The following ARHGAP22 variants were observed in gnomAD, a reference collection of about 807,000 sequenced individuals.
ARHGAP22 encodes rho GTPase-activating protein 22.
ARHGAP22 carries 48 observed loss-of-function variants against 59.1 expected under a neutral mutation model. That is an observed-to-expected ratio of 0.81 (90% CI 0.64 to 1.03). The LOEUF (loss-of-function observed/expected upper bound fraction) is 1.03. ARHGAP22 is among the 50% of genes least tolerant of loss of function. The pLI, the probability that ARHGAP22 is intolerant of heterozygous loss-of-function variation, is 0.00. For missense variants in ARHGAP22, 1,015 were observed against 958.7 expected, an observed-to-expected ratio of 1.06 and a Z score of -0.78; for synonymous variants, 445 against 416.4, an observed-to-expected ratio of 1.07 and a Z score of -0.84.
chr10:48,455,996 C>A (rs1015572171), intron 5 of ARHGAP22, among the ~76,000 whole-genome samples: 8 of 152,196 alleles, frequency 5.3e-5, no homozygotes, highest in African/African-American at 1.9e-4. Context: ...CAGAAGTAGA[C>A]CAGTTGTGGA....
At chr10:48,484,364 C>T (rs2049644735) in intron 3 of ARHGAP22, among the ~76,000 whole-genome samples, 1 of 152,196 alleles carries the variant, frequency 6.6e-6, no homozygotes, top group Admixed American at 6.5e-5. Context: ...TAATGATGTA[C>T]TATCCCTTTT....
chr10:48,643,752 TAAA>T (rs35924464), intron 1 of ARHGAP22, among the ~76,000 whole-genome samples: 10 of 141,230 alleles, frequency 7.1e-5, no homozygotes, highest in African/African-American at 2.1e-4. Context: ...AAAGTATAAT[TAAA>T]AAAAAAAAAA....
chr10:48,498,520 A>T (rs1359947763), intron 3 of ARHGAP22, among the ~76,000 whole-genome samples: 1 of 152,178 alleles, frequency 6.6e-6, no homozygotes, highest in Non-Finnish European at 1.5e-5. Context: ...AGCCCTCTGC[A>T]TCCCCAAGCA....
chr10:48,430,095 T>A, the ARHGAP22 span: 1 of 152,204 alleles, frequency 6.6e-6, no homozygotes, highest in Non-Finnish European at 1.5e-5. Context: ...TTTGTTTGTT[T>A]TTGTTTTTTT....
Position 48,583,145 on chromosome 10 carries a change from G to A in ARHGAP22, c.42C>T (p.Ser14=), listed in dbSNP as rs1023053815. ...TCTGCTCCCCCATCACTAGGCTTTT[G>A]GAGCGGGCTGAAAGCCAAGGACACA... ...PKIRQARRAR[S]KSLVMGEQSR... Residue 14 remains serine, a synonymous_variant, in exon 2 of 10, where the codon TCC becomes TCT. Transcript: ENST00000249601. 6.2e-7 allele frequency: 1 copy of A among 1,613,716 alleles called. No homozygotes were observed. The highest frequency in any genetic ancestry group is 8.5e-7 in the Non-Finnish European group (1 of 1,179,900).
upstream of ARHGAP22, among the ~76,000 whole-genome samples, chr10:48,654,837 C>T (rs2062709589): frequency 1.4e-5 from 2 of 139,336 alleles, no homozygotes; most frequent in African/African-American, 5.4e-5. Flanking sequence ...TTCCTTCCTT[C>T]CTTCCTCTCT....
chr10:48,491,293 C>A (rs1222360271), intron 3 of ARHGAP22, among the ~76,000 whole-genome samples: 1 of 152,220 alleles, frequency 6.6e-6, no homozygotes, highest in Non-Finnish European at 1.5e-5. Flanking sequence ...TTTGGACCTG[C>A]TGTTCCCTTG....
chr10:48,531,955 A>G (rs946972896), intron 3 of ARHGAP22, among the ~76,000 whole-genome samples: 3 of 152,216 alleles, frequency 2.0e-5, no homozygotes, highest in African/African-American at 7.2e-5. Flanking sequence ...CTAGCTTTTC[A>G]GAATAATGTC....
intron 3 of ARHGAP22, among the ~76,000 whole-genome samples, chr10:48,533,844 T>G (rs2055095648): frequency 6.6e-6 from 1 of 152,212 alleles, no homozygotes; most frequent in African/African-American, 2.4e-5. Flanking sequence ...TCCTCTTAAG[T>G]CGGGAAGTAC....
intron 1 of ARHGAP22, among the ~76,000 whole-genome samples, chr10:48,647,985 G>T (rs1318466718): frequency 6.6e-6 from 1 of 152,162 alleles, no homozygotes; most frequent in Non-Finnish European, 1.5e-5. Context: ...TCCAGAAAAG[G>T]CACATTTATG....
Position 48,455,783 on chromosome 10 carries a change from G to A in ARHGAP22, c.660-649C>T, listed in dbSNP as rs117101649. ...GAGTGGGAGGAGCTGCATCAAAGGC[G>A]CCCACAATGCAGGGCTGCTGGCTCC... On this transcript the variant is annotated intron_variant, in intron 5 of 9. Transcript: ENST00000249601. Among the ~76,000 whole-genome samples, 228 of 152,326 alleles carry A rather than the reference G, an allele frequency of 1.5e-3. 2 individuals are homozygous for A. In the East Asian group the frequency reaches 0.021, roughly 14 times the overall value.
chr10:48,460,960 G>A (rs2047079153), intron 4 of ARHGAP22, among the ~76,000 whole-genome samples: 1 of 152,308 alleles, frequency 6.6e-6, no homozygotes, highest in African/African-American at 2.4e-5. Context: ...GTAGAATGGT[G>A]GCTGCAAGGA....
chr10:48,450,978 C>A lies in ARHGAP22; in HGVS notation c.1151G>T (p.Gly384Val). The change falls in exon 9 of 10, where the codon GGC becomes GTC. Residue 384 changes from glycine (G) to valine (V), a missense_variant. Physicochemically the swap from Gly to Val is moderately radical, Grantham distance 109. Coordinates refer to ENST00000249601, the MANE Select transcript of ARHGAP22 (RefSeq NM_021226.4). ...EVTRDSQGEPGGPGLPAHRTS... is the reference protein window; with the variant it reads ...EVTRDSQGEPVGPGLPAHRTS... ...CCTGTGCGCGGGCAGGCCGGGGCCG[C>A]CGGGCTCTCCTTGGCTGTCCCTGGT... 6.4e-7 allele frequency: 1 copy of A among 1,564,108 alleles called. No individual in the cohort carries two copies. The highest frequency in any genetic ancestry group is 8.7e-7 in the Non-Finnish European group (1 of 1,155,018).
At chr10:48,531,744 C>T (rs2054871620) in intron 3 of ARHGAP22, among the ~76,000 whole-genome samples, 1 of 152,194 alleles carries the variant, frequency 6.6e-6, no homozygotes, top group South Asian at 2.1e-4. Context: ...TGGTTAAGCT[C>T]AGATTGGAAC....
rs565500213 is a variant in ARHGAP22 at position 48,647,866 on chromosome 10, C to T, written c.52+4368G>A. On this transcript the variant is annotated intron_variant, in intron 1 of 9. Transcript: ENST00000435790. The stretch of plus-strand genomic sequence containing the variant: ...TATTACTCAGCTACAAAGGAGCACA[C>T]TGATCACTGATTCACACGAGAACAT... Among the ~76,000 whole-genome samples, 3 of 152,326 alleles carry T rather than the reference C, an allele frequency of 2.0e-5. No individual in the cohort carries two copies. In the South Asian group the frequency reaches 6.2e-4, roughly 32 times the overall value.
At chr10:48,604,570 G>A (rs1261408831) in intron 1 of ARHGAP22, among the ~76,000 whole-genome samples, 193 bp downstream of exon 1, 2 of 152,210 alleles carry the variant, frequency 1.3e-5, no homozygotes, top group African/African-American at 4.8e-5. Context: ...TGCAACTTCA[G>A]GTCGTGTCCC....
At chr10:48,497,798 C>T (rs1022462345) in intron 3 of ARHGAP22, among the ~76,000 whole-genome samples, 14 of 152,126 alleles carry the variant, frequency 9.2e-5, no homozygotes, top group African/African-American at 2.4e-4. Flanking sequence ...GCTCAATAAA[C>T]GGACCCCTCT....
upstream of ARHGAP22, among the ~76,000 whole-genome samples, chr10:48,608,020 TTCCTGTG>T (rs1176428137): frequency 6.6e-6 from 1 of 152,218 alleles, no homozygotes; most frequent in Non-Finnish European, 1.5e-5. Context: ...TGACAGTGAA[TTCCTGTG>T]TCCCACCCCC....
At chr10:48,481,601 T>C (rs1282340291) in intron 3 of ARHGAP22, among the ~76,000 whole-genome samples, 1 of 152,204 alleles carries the variant, frequency 6.6e-6, no homozygotes, top group East Asian at 1.9e-4. Flanking sequence ...TGTGCCCCTG[T>C]CCTGGGTCCT....
Sources: allele counts gnomAD v4.1 joint callset (sites outside exome capture counted in the v4.1 genomes callset), GRCh38; gene constraint gnomAD v4.1.1; transcripts MANE v1.5; gene names NCBI Gene and HGNC (gene_info 2026-07-23, HGNC 2026-07-21).